Variants in KIAA1549L observed in about 807,000 individuals in gnomAD.
KIAA1549L encodes KIAA1549 like.
Under a neutral mutation model 160.7 loss-of-function variants are expected in KIAA1549L, and 88 were observed. That is an observed-to-expected ratio of 0.55 (90% CI 0.46 to 0.65). The LOEUF is 0.65. KIAA1549L is among the 30% of genes least tolerant of loss of function. The pLI is 0.00. For synonymous variants in KIAA1549L, 950 were observed against 976.7 expected (o/e 0.97, Z 0.51); for missense variants, 2,258 against 2,437.5 (o/e 0.93, Z 1.55).
intron 1 of KIAA1549L, among the ~76,000 whole-genome samples, chr11:33,495,526 T>C (rs1237215001): frequency 1.3e-5 from 2 of 152,162 alleles, no homozygotes; most frequent in Non-Finnish European, 2.9e-5. Context: ...CAGTCTATCA[T>C]TGTTGGACAT....
rs542189535 is a variant in KIAA1549L, at chr11:33,402,350, G to T, written c.238+25461G>T. 1.0e-3 allele frequency among the ~76,000 whole-genome samples: 159 copies of T among 152,254 alleles called. 3 individuals carry two copies. In the South Asian group the frequency reaches 0.029, roughly 28 times the overall value. ...GTCCTGTCAGTTCTGTCTCCTTAAT[G>T]TTTCCTGCACCTGCTCCCTCCTCTT... On this transcript the variant is annotated intron_variant, in intron 1 of 20. Coordinates refer to ENST00000658780, the MANE Select transcript of KIAA1549L (RefSeq NM_012194.3).
intron 1 of KIAA1549L, among the ~76,000 whole-genome samples, chr11:33,512,464 C>T (rs928000571): frequency 3.3e-5 from 5 of 152,114 alleles, no homozygotes; most frequent in Admixed American, 3.3e-4. Context: ...ACTCTGTTGC[C>T]CAGACTGGAG....
chr11:33,609,778 C>G lies in KIAA1549L; in HGVS notation c.5091C>G (p.Asp1697Glu), dbSNP rs1283885930. 1 of 1,611,314 alleles carries G rather than the reference C, an allele frequency of 6.2e-7. No homozygotes were observed. Among genetic ancestry groups the G allele is most frequent in the Non-Finnish European group, 8.5e-7 (1 of 1,178,720 alleles). ...EVNKALKQKS[D>E]IEHYRNKLRL... Reference sequence around the variant, plus strand: ...ACAAAGCCCTGAAGCAGAAGTCAGACATCGAGCACTATCGGAACAAGCTGC... The same window carrying G: ...ACAAAGCCCTGAAGCAGAAGTCAGAGATCGAGCACTATCGGAACAAGCTGC... The change falls in exon 15 of 21, where the codon GAC (aspartate) becomes GAG (glutamate). Residue 1697 changes from aspartate (D) to glutamate (E), a missense_variant. This residue lies in a region of KIAA1549L where 1,359 missense variants were observed against 1,546.6 expected (regional missense o/e 0.88). Transcript: ENST00000658780.
At chr11:33,385,207 T>C (rs2134038206) in intron 1 of KIAA1549L, among the ~76,000 whole-genome samples, 1 of 152,348 alleles carries the variant, frequency 6.6e-6, no homozygotes, top group East Asian at 1.9e-4. Flanking sequence ...GCACCACTTA[T>C]TGAAAAGACT....
chr11:33,670,827 C>G lies in KIAA1549L; in HGVS notation c.*2673C>G, dbSNP rs555711743. On this transcript the variant is annotated 3_prime_UTR_variant, in exon 21 of 21. Transcript: ENST00000658780. ...ATAGTCACAGAAGCCACAAAAGGACCTTGGTTGACCTTGGAGGAGGAAGCA... is the reference window on the plus strand; with the variant it reads ...ATAGTCACAGAAGCCACAAAAGGACGTTGGTTGACCTTGGAGGAGGAAGCA... 6.6e-6 allele frequency: 1 copy of G among 152,374 alleles called. No homozygotes were observed. Among genetic ancestry groups the G allele is most frequent in the South Asian group, 2.1e-4 (1 of 4,832 alleles). 9.4% of individuals were successfully genotyped at this position (152,374 alleles called of 1,614,324 possible).
intron 1 of KIAA1549L, among the ~76,000 whole-genome samples, chr11:33,540,622 A>T (rs887203759): frequency 6.6e-6 from 1 of 152,240 alleles, no homozygotes; most frequent in African/African-American, 2.4e-5. Flanking sequence ...CACAATTTCC[A>T]TTGCAAACCA....
rs1166303927 is a variant in KIAA1549L at position 33,543,876 on chromosome 11, G to T, written c.2313G>T (p.Gly771=). Residue 771 remains glycine (G), a synonymous_variant, in exon 2 of 21, where the codon GGG becomes GGT. Transcript: ENST00000658780. ...DTAGHSVTAE[G]FSIQDLVLGT... is the part of the protein sequence containing the mutation. ...CTGGGCATTCAGTGACTGCAGAAGG[G>T]TTTAGTATTCAGGATCTAGTCCTCG... 2 of 1,614,050 alleles carry T rather than the reference G, an allele frequency of 1.2e-6. No homozygotes were observed.
intron 12 of KIAA1549L, among the ~76,000 whole-genome samples, chr11:33,597,464 T>C (rs966041254): frequency 1.3e-5 from 2 of 152,216 alleles, no homozygotes; most frequent in African/African-American, 4.8e-5. Context: ...GCTCGCCTAC[T>C]GATCAAGTGC....
At chr11:33,616,401 GC>G (rs1422711058) in intron 15 of KIAA1549L, among the ~76,000 whole-genome samples, 3 of 152,172 alleles carry the variant, frequency 2.0e-5, no homozygotes, top group Non-Finnish European at 2.9e-5. Context: ...CAGATGCCCA[GC>G]CCCTGACCCA....
intron 14 of KIAA1549L, 112 bp from the exon 15 acceptor site, chr11:33,609,637 C>G (rs752052460): frequency 2.5e-6 from 2 of 803,636 alleles, no homozygotes; most frequent in African/African-American, 3.4e-5. Flanking sequence ...CTCAGAGGCC[C>G]GGAGGTGATG....
At chr11:33,650,477 T>C (rs963355200) in intron 17 of KIAA1549L, among the ~76,000 whole-genome samples, 3 of 152,182 alleles carry the variant, frequency 2.0e-5, no homozygotes, top group African/African-American at 7.2e-5. Flanking sequence ...CCGTATTTTA[T>C]GGGGACCTAC....
intron 8 of KIAA1549L, 94 bp from the exon 9 acceptor site, chr11:33,567,982 C>A: frequency 7.5e-7 from 1 of 1,325,800 alleles, no homozygotes; most frequent in South Asian, 1.6e-5. Flanking sequence ...CACAGTGGCC[C>A]TTGGTGGCCT....
chr11:33,585,334 C>T (rs1197868105), intron 11 of KIAA1549L, among the ~76,000 whole-genome samples: 1 of 152,116 alleles, frequency 6.6e-6, no homozygotes, highest in Non-Finnish European at 1.5e-5. Flanking sequence ...GCCTGACCAA[C>T]ATGGAGAAAC....
At chr11:33,663,766 C>T (rs1852346021) in intron 20 of KIAA1549L, among the ~76,000 whole-genome samples, 1 of 152,218 alleles carries the variant, frequency 6.6e-6, no homozygotes, top group South Asian at 2.1e-4. Context: ...CTGCACAATT[C>T]TGAGCACTGG....
At chr11:33,507,743 A>G (rs143957208) in intron 1 of KIAA1549L, among the ~76,000 whole-genome samples, 21 of 152,316 alleles carry the variant, frequency 1.4e-4, no homozygotes, top group African/African-American at 2.9e-4. Context: ...GTACTCAACT[A>G]TTAGTTCCTG....
intron 1 of KIAA1549L, among the ~76,000 whole-genome samples, chr11:33,466,610 A>G (rs993234232): frequency 1.3e-5 from 2 of 152,176 alleles, no homozygotes; most frequent in African/African-American, 2.4e-5. Context: ...CAGCAATCCT[A>G]TTGCTGGCTA....
chr11:33,415,937 G>A lies in KIAA1549L; in HGVS notation c.238+39048G>A, dbSNP rs534644034. On this transcript the variant is annotated intron_variant, in intron 1 of 20. Transcript: ENST00000658780. ...CAACCTCTGCCTCCTGGATTCAAGC[G>A]GACTTATCAGTATTTAAAAGACCAG... Among the ~76,000 whole-genome samples, 6 of 152,020 alleles carry A rather than the reference G, an allele frequency of 3.9e-5. No individual in the cohort carries two copies. In the South Asian group the frequency reaches 8.3e-4, roughly 21 times the overall value.
chr11:33,572,866 A>T (rs1453817343), intron 9 of KIAA1549L, among the ~76,000 whole-genome samples: 1 of 152,184 alleles, frequency 6.6e-6, no homozygotes, highest in Non-Finnish European at 1.5e-5. Context: ...TTCTATAGGA[A>T]ACTGCCAGAC....
At chr11:33,569,646 C>T (rs935559617) in intron 9 of KIAA1549L, among the ~76,000 whole-genome samples, 5 of 152,194 alleles carry the variant, frequency 3.3e-5, no homozygotes, top group Admixed American at 3.3e-4. Flanking sequence ...CTGATGGAGA[C>T]TCCAGGTCCC....
Sources: allele counts gnomAD v4.1 joint callset (sites outside exome capture counted in the v4.1 genomes callset), GRCh38; gene constraint gnomAD v4.1.1; regional missense constraint gnomAD v4.1.1; transcripts MANE v1.5; gene names NCBI Gene and HGNC (gene_info 2026-07-23, HGNC 2026-07-21).